Variants in A2ML1 observed in about 807,000 individuals in gnomAD.
A2ML1 encodes alpha-2-macroglobulin-like protein 1.
A neutral mutation model predicts 181.9 loss-of-function variants in A2ML1; 161 were observed. The ratio of observed to expected loss-of-function variants is 0.89; its 90% CI spans 0.78 to 1.01. The LOEUF is 1.01. Among genes scored for constraint, A2ML1 ranks in the 50% least tolerant of loss-of-function variants. A2ML1 has a pLI of 0.00. For missense variants in A2ML1, 1,670 were observed against 1,768.1 expected, an observed-to-expected ratio of 0.94 and a Z score of 1.00; for synonymous variants, 663 against 666.8, an observed-to-expected ratio of 0.99 and a Z score of 0.09.
At chr12:8,882,884 C>T (rs550236915) in intron 7 of A2ML1, among the ~76,000 whole-genome samples, 7 of 152,154 alleles carry the variant, frequency 4.6e-5, no homozygotes, top group Non-Finnish European at 1.0e-4. Context: ...AGTTCTATTC[C>T]TGTTCATGGC....
chr12:8,854,843 C>G lies in A2ML1; in HGVS notation c.2764+12C>G, dbSNP rs372457078. On this transcript the variant is annotated intron_variant, in intron 22 of 35. Transcript: ENST00000299698. ...GCTGTGCCCAAAAGGTGGGTGGACT[C>G]AGAGCAGGATTGGTGGTGAGAATTC... is the stretch of plus-strand genomic sequence containing the variant. 1.5e-4 allele frequency: 238 copies of G among 1,613,414 alleles called. No homozygotes were observed. The African/African-American group carries it at 2.9e-3, about 20-fold the overall frequency.
chr12:8,874,076 C>T (rs2071880505), intron 33 of A2ML1, among the ~76,000 whole-genome samples: 3 of 151,968 alleles, frequency 2.0e-5, no homozygotes, highest in South Asian at 4.2e-4. Context: ...AGTGCAGTGG[C>T]GCCATCTCGG....
At chr12:8,860,768 T>C in intron 26 of A2ML1, 113 bp from the exon 27 acceptor site, 1 of 907,224 alleles carries the variant, frequency 1.1e-6, no homozygotes, top group East Asian at 2.5e-5. Context: ...CTTTTCTTTT[T>C]TCTTTTTAAA....
Position 8,852,940 on chromosome 12 carries a change from C to T in A2ML1, c.2590+604C>T, listed in dbSNP as rs1266361066. On this transcript the variant is annotated intron_variant, in intron 20 of 35. Transcript: ENST00000299698. This position sits in a 1 kb window ranked among gnomAD's most constrained non-coding sequence, Gnocchi z 4.2. ...CAAACTCCTGACCTCAGGTGACCTG[C>T]CTGCCTCGGCCTCCCAAAGTGCTGG... 6.6e-6 allele frequency among the ~76,000 whole-genome samples: 1 copy of T among 152,196 alleles called. No homozygotes were observed. The highest frequency in any genetic ancestry group is 1.5e-5 in the Non-Finnish European group (1 of 68,038).
chr12:8,849,397 G>A (rs764690006), intron 16 of A2ML1, among the ~76,000 whole-genome samples: 4 of 152,234 alleles, frequency 2.6e-5, no homozygotes, highest in South Asian at 4.1e-4. Flanking sequence ...TGTTTACAGC[G>A]TAAGTCAAAT....
At chr12:8,836,123 A>T (rs1943266814) in intron 6 of A2ML1, 132 bp from the exon 7 acceptor site, 3 of 686,094 alleles carry the variant, frequency 4.4e-6, no homozygotes, top group East Asian at 5.5e-5. Flanking sequence ...CTTCAGGAAC[A>T]TGCTACCTAA....
intron 23 of A2ML1, among the ~76,000 whole-genome samples, chr12:8,856,101 A>T (rs985732839): frequency 6.6e-6 from 1 of 152,194 alleles, no homozygotes; most frequent in African/African-American, 2.4e-5. Context: ...CTCTTCTGTA[A>T]AACAGTGATA....
At chr12:8,881,778 G>A (rs139650495), downstream of A2ML1, among the ~76,000 whole-genome samples, 5,706 of 152,224 alleles carry the variant, frequency 0.037, 117 homozygotes, top group Non-Finnish European at 0.049. Context: ...TTGGGAGGCC[G>A]AGGCGGGTGG....
chr12:8,850,564 C>T (rs2136871401), intron 18 of A2ML1, among the ~76,000 whole-genome samples: 1 of 152,050 alleles, frequency 6.6e-6, no homozygotes, highest in East Asian at 1.9e-4. Context: ...CAGAGCAAAA[C>T]CCTTCTCAAA....
At position 8,850,166 on chromosome 12, in the gene A2ML1, G is replaced by A. The variant is rs1943839450; in HGVS notation, c.2126G>A (p.Gly709Asp). 7.5e-6 allele frequency: 12 copies of A among 1,603,934 alleles called. No homozygotes were observed. In the Admixed American group the frequency reaches 1.9e-4, roughly 26 times the overall value. Residue 709 changes from glycine to aspartate, a missense_variant, in exon 18 of 36, where the codon GGT (glycine) becomes GAT (aspartate). Physicochemically the swap from Gly to Asp is moderately conservative, Grantham distance 94 (BLOSUM62 -1). Transcript: ENST00000299698. ...GTATTCTCAATTTCATCAGCAGGCG[G>A]TGGTCATCCAGAGGCTTTTGAGTCA... is the stretch of plus-strand genomic sequence containing the variant. ...PEYSTAMGAG[G>D]GHPEAFESST...
At chr12:8,875,848 A>T (rs1944785037) in intron 35 of A2ML1, 1 of 152,234 alleles carries the variant, frequency 6.6e-6, no homozygotes, top group Non-Finnish European at 1.5e-5. Flanking sequence ...TGATATTTTT[A>T]CATGATACAT....
At chr12:8,873,958 C>T (rs1050056085) in intron 33 of A2ML1, among the ~76,000 whole-genome samples, 7 of 151,966 alleles carry the variant, frequency 4.6e-5, no homozygotes, top group African/African-American at 1.7e-4. Flanking sequence ...GTCTTTAAGA[C>T]TCATAGGGCA....
rs1473749267 is a variant in A2ML1 at position 8,884,237 on chromosome 12, TTTTGTTTTG to T, written c.*95-2266_*95-2258del. 2.8e-3 allele frequency among the ~76,000 whole-genome samples: 395 copies of T among 143,432 alleles called. 5 individuals are homozygous for T. The highest frequency in any genetic ancestry group is 0.01 in the African/African-American group (382 of 37,420). The allele number at this position is 143,432 out of a possible 152,430, so 94.1% of individuals were successfully genotyped here. Reference sequence around the variant, plus strand: ...ATTCTTTTTTTTATTTTTTGTTTTTTTTTGTTTTGTTTTTTTTTAACTATTTTCCTTTTT... The same window carrying T: ...ATTCTTTTTTTTATTTTTTGTTTTTTTTTTTTTTTAACTATTTTCCTTTTT... On this transcript the variant is annotated intron_variant and NMD_transcript_variant, in intron 7 of 7. Coordinates refer to the A2ML1 transcript ENST00000537475.
chr12:8,834,560 A>G (rs1183126903), intron 4 of A2ML1, 102 bp from the exon 5 acceptor site: 1 of 1,409,314 alleles, frequency 7.1e-7, no homozygotes, highest in Non-Finnish European at 9.9e-7. Flanking sequence ...AGAAATGGGC[A>G]AGAGGGAAAG....
intron 29 of A2ML1, among the ~76,000 whole-genome samples, chr12:8,866,161 C>T (rs781176794): frequency 3.9e-5 from 6 of 151,938 alleles, no homozygotes; most frequent in South Asian, 2.1e-4. Context: ...AAAAATTAGC[C>T]GGGCACAGTG....
In A2ML1 at chr12:8,829,883, C is replaced by A. The variant is rs764690644; in HGVS notation, c.462+104C>A. On this transcript the variant is annotated intron_variant, in intron 4 of 35. Transcript: ENST00000299698. Reference sequence around the variant, plus strand: ...TCAGCCTGGGCGTGGCAAGGCGAGGCCCTCTGGGTTGGAGACTGCTGTGTG... The same window carrying A: ...TCAGCCTGGGCGTGGCAAGGCGAGGACCTCTGGGTTGGAGACTGCTGTGTG... 7.4e-4 allele frequency: 1,067 copies of A among 1,439,114 alleles called. 4 individuals are homozygous for A. In the Middle Eastern group the frequency reaches 9.8e-3, roughly 13 times the overall value. The allele number at this position is 1,439,114 out of a possible 1,614,324, so 89.1% of individuals were successfully genotyped here. A position where few individuals can be genotyped will look rare whatever the true frequency, so the allele number is the denominator to read the frequency against.
At chr12:8,834,921 C>G in intron 5 of A2ML1, 1 of 545,786 alleles carries the variant, frequency 1.8e-6, no homozygotes, top group East Asian at 3.1e-5. Context: ...GACTACACCG[C>G]TCTCTCATTC....
intron 4 of A2ML1, 122 bp downstream of exon 4, chr12:8,829,901 G>C: frequency 8.4e-7 from 1 of 1,190,056 alleles, no homozygotes; most frequent in South Asian, 1.3e-5. Context: ...GTTGGAGACT[G>C]CTGTGTGCGT....
At position 8,848,742 on chromosome 12, in the gene A2ML1, G is replaced by T; in HGVS notation, c.1856G>T (p.Trp619Leu). 6.2e-7 allele frequency: 1 copy of T among 1,611,240 alleles called. No homozygotes were observed. ...NRSVYGMFPFWYGHYPYQVAE... is the reference protein window; with the variant it reads ...NRSVYGMFPFLYGHYPYQVAE... ...CAGGTCTATGGGATGTTTCCATTCT[G>T]GTATGGTCACTACCCCTATCAAGTG... Residue 619 changes from tryptophan to leucine, a missense_variant, in exon 16 of 36, where the codon TGG becomes TTG. Coordinates refer to ENST00000299698, the MANE Select transcript of A2ML1 (RefSeq NM_144670.6).
Sources: allele counts gnomAD v4.1 joint callset (sites outside exome capture counted in the v4.1 genomes callset), GRCh38; gene constraint gnomAD v4.1.1; non-coding constraint Gnocchi (gnomAD v3.1); transcripts MANE v1.5; gene names NCBI Gene and HGNC (gene_info 2026-07-23, HGNC 2026-07-21).